Variants in HECW1 observed in about 807,000 individuals in gnomAD.
HECW1 encodes the protein E3 ubiquitin-protein ligase HECW1.
In HECW1, 61 loss-of-function variants were observed where a neutral mutation model predicts 182.3. The observed-to-expected ratio is 0.33, with a 90% CI of 0.27 to 0.41. The LOEUF is 0.41. Among genes scored for constraint, HECW1 ranks in the 10% least tolerant of loss-of-function variants. The pLI is 1.00. For synonymous variants in HECW1, 859 were observed against 832.6 expected (o/e 1.03, Z -0.55); for missense variants, 1,739 against 2,108.9 (o/e 0.82, Z 3.44).
At chr7:43,287,032 T>A (rs1157189827) in intron 3 of HECW1, among the ~76,000 whole-genome samples, 1 of 151,902 alleles carries the variant, frequency 6.6e-6, no homozygotes. Context: ...GGGAGTTGTT[T>A]AAGGATGGTT....
chr7:43,468,284 C>T (rs1325259214), intron 15 of HECW1, among the ~76,000 whole-genome samples: 1 of 152,114 alleles, frequency 6.6e-6, no homozygotes, highest in Non-Finnish European at 1.5e-5. Context: ...CCATTTTAGA[C>T]AAGTAGGAGG....
At chr7:43,384,331 C>G (rs2074681431) in intron 6 of HECW1, among the ~76,000 whole-genome samples, 1 of 152,172 alleles carries the variant, frequency 6.6e-6, no homozygotes, top group South Asian at 2.1e-4. Flanking sequence ...ATTCACTCAT[C>G]CCATGATCCA....
chr7:43,412,754 T>C (rs2075850126), intron 8 of HECW1, among the ~76,000 whole-genome samples: 2 of 151,900 alleles, frequency 1.3e-5, no homozygotes, highest in South Asian at 4.2e-4. Flanking sequence ...ATTTCCAATT[T>C]CATCCATGTC....
intron 3 of HECW1, among the ~76,000 whole-genome samples, chr7:43,287,351 T>C (rs1804782194): frequency 6.6e-6 from 1 of 150,776 alleles, no homozygotes; most frequent in Non-Finnish European, 1.5e-5. Flanking sequence ...GAGTAGGGAG[T>C]GCAGAGGCCC....
chr7:43,201,323 A>G (rs1199337183), intron 2 of HECW1, among the ~76,000 whole-genome samples: 10 of 152,206 alleles, frequency 6.6e-5, no homozygotes, highest in Admixed American at 3.9e-4. Context: ...TCTTTCTTCT[A>G]GAGCTGAGGC....
intron 24 of HECW1, among the ~76,000 whole-genome samples, chr7:43,524,260 C>A (rs1195944403): frequency 6.6e-6 from 1 of 152,100 alleles, no homozygotes; most frequent in Non-Finnish European, 1.5e-5. Context: ...GCTGTTCATG[C>A]AGTTTTCACA....
intron 6 of HECW1, among the ~76,000 whole-genome samples, chr7:43,367,610 A>C (rs1170460769): frequency 6.6e-6 from 1 of 152,224 alleles, no homozygotes; most frequent in Non-Finnish European, 1.5e-5. Context: ...TTGAGCTAGA[A>C]TTACATACAT....
intron 6 of HECW1, among the ~76,000 whole-genome samples, chr7:43,378,178 C>T (rs1323243664): frequency 6.6e-6 from 1 of 152,158 alleles, no homozygotes; most frequent in East Asian, 1.9e-4. Context: ...TTTTTGTAAT[C>T]TAGTTATTCT....
At chr7:43,409,513 G>A (rs2075727389) in intron 8 of HECW1, among the ~76,000 whole-genome samples, 1 of 152,092 alleles carries the variant, frequency 6.6e-6, no homozygotes, top group Non-Finnish European at 1.5e-5. Context: ...AATGTTTTTT[G>A]GCTAAAAACG....
chr7:43,122,046 C>T (rs897446694), intron 2 of HECW1: 1 of 152,200 alleles, frequency 6.6e-6, no homozygotes, highest in Non-Finnish European at 1.5e-5. Context: ...AAGAGGTGCA[C>T]TCCACAAGGA....
intron 5 of HECW1, among the ~76,000 whole-genome samples, chr7:43,331,421 T>G (rs1048200650): frequency 2.6e-5 from 4 of 151,682 alleles, no homozygotes; most frequent in Non-Finnish European, 4.4e-5. Flanking sequence ...AAACCCCATC[T>G]CTACTAAAAA....
intron 8 of HECW1, among the ~76,000 whole-genome samples, chr7:43,415,503 T>C (rs1460930490): frequency 6.6e-6 from 1 of 152,146 alleles, no homozygotes; most frequent in East Asian, 1.9e-4. Context: ...GACAATTATA[T>C]GTCTTAGAGT....
In HECW1 at chr7:43,308,122, ATATT is replaced by A. The variant is rs1169125762; in HGVS notation, c.28-3637_28-3634del. Among the ~76,000 whole-genome samples the A allele has an allele frequency of 1.1e-3, 114 of 105,688 alleles. 2 individuals carry two copies. The highest frequency in any genetic ancestry group is 4.4e-3 in the African/African-American group (112 of 25,304). The allele number at this position is 105,688 out of a possible 152,430, so 69.3% of individuals were successfully genotyped here. ...TGTTATATATAATATAACATATAAT[ATATT>A]TATATATAATATATTATATTATATA... On this transcript the variant is annotated intron_variant, in intron 3 of 29. Coordinates refer to ENST00000395891, the MANE Select transcript of HECW1 (RefSeq NM_015052.5).
At chr7:43,182,588 G>C (rs1792974050) in intron 2 of HECW1, among the ~76,000 whole-genome samples, 1 of 152,206 alleles carries the variant, frequency 6.6e-6, no homozygotes, top group African/African-American at 2.4e-5. Context: ...CAAGTGGTAT[G>C]ATGCCTCCAA....
intron 6 of HECW1, among the ~76,000 whole-genome samples, chr7:43,379,781 A>G (rs919928901): frequency 1.3e-5 from 2 of 152,022 alleles, no homozygotes; most frequent in Non-Finnish European, 2.9e-5. Context: ...GAGGCCTTAC[A>G]TCACCACCCT....
intron 3 of HECW1, among the ~76,000 whole-genome samples, chr7:43,270,525 A>G (rs1802279239): frequency 6.6e-6 from 1 of 152,198 alleles, no homozygotes; most frequent in South Asian, 2.1e-4. Flanking sequence ...GAGAAGTCAC[A>G]CATTGTTACT....
chr7:43,520,642 A>T (rs2080424112), intron 24 of HECW1, among the ~76,000 whole-genome samples: 1 of 151,170 alleles, frequency 6.6e-6, no homozygotes, highest in Non-Finnish European at 1.5e-5. Context: ...TTATTATTCT[A>T]CTTTAAGGTT....
intron 2 of HECW1, among the ~76,000 whole-genome samples, chr7:43,145,742 G>A (rs1267706170): frequency 6.6e-6 from 1 of 152,122 alleles, no homozygotes; most frequent in Non-Finnish European, 1.5e-5. Flanking sequence ...GTTATCCAGA[G>A]GATGGTTGTG....
chr7:43,532,451 T>C (rs1285346359), intron 24 of HECW1, among the ~76,000 whole-genome samples: 1 of 152,198 alleles, frequency 6.6e-6, no homozygotes, highest in Non-Finnish European at 1.5e-5. Flanking sequence ...ATTCCCATCA[T>C]ACTTAGAATG....
Sources: gnomAD v4.1 joint callset for allele counts (sites outside exome capture counted in the v4.1 genomes callset) on GRCh38, gnomAD v4.1.1 for gene constraint, MANE v1.5 for transcripts, NCBI Gene and HGNC (gene_info 2026-07-23, HGNC 2026-07-21) for gene names.